CROCC: variants seen among roughly 807,000 people sequenced by gnomAD.
CROCC encodes ciliary rootlet coiled-coil, rootletin.
A neutral mutation model predicts 245.2 loss-of-function variants in CROCC; 180 were observed. The ratio of observed to expected loss-of-function variants is 0.73; its 90% CI spans 0.65 to 0.83. The LOEUF (loss-of-function observed/expected upper bound fraction) is 0.83, where lower values mean the gene tolerates loss of function less well. Among genes scored for constraint, CROCC ranks in the 40% least tolerant of loss-of-function variants. The pLI is 0.00. For synonymous variants in CROCC, 1,205 were observed against 1,241.6 expected, an observed-to-expected ratio of 0.97 and a Z score of 0.62; for missense variants, 2,688 against 2,779.4, an observed-to-expected ratio of 0.97 and a Z score of 0.74.
rs1419809966 is a variant in CROCC at position 16,953,428 on chromosome 1, C to T, written c.3133C>T (p.Leu1045=). The change falls in exon 21 of 37, where the codon CTG becomes TTG. Residue 1045 remains leucine, a synonymous_variant. Coordinates refer to ENST00000375541, the MANE Select transcript of CROCC (RefSeq NM_014675.5). ...KEELSEEIAA[L]QQERDEGLLL... is the part of the protein sequence containing the mutation. ...AGAGCTGAGTGAGGAGATTGCTGCC[C>T]TGCAGCAGGAGCGCGACGAGGGCCT... 2 of 1,610,654 alleles carry T rather than the reference C, an allele frequency of 1.2e-6. No homozygotes were observed. Among genetic ancestry groups the T allele is most frequent in the Non-Finnish European group, 1.7e-6 (2 of 1,179,914 alleles).
In CROCC at chr1:16,938,733, G is replaced by T. The variant is rs1406890484; in HGVS notation, c.1375-176G>T. On this transcript the variant is annotated intron_variant, in intron 11 of 36. Transcript: ENST00000375541. ...AATGATGTCTTCCCAATAAATGGGAGGCCTCAGCGGCGAGCCGAGGACTGA... is the reference window on the plus strand; with the variant it reads ...AATGATGTCTTCCCAATAAATGGGATGCCTCAGCGGCGAGCCGAGGACTGA... Among the ~76,000 whole-genome samples the T allele has an allele frequency of 2.0e-5, 3 of 152,288 alleles. No homozygotes were observed. The East Asian group carries it at 5.8e-4, about 29-fold the overall frequency.
chr1:16,969,690 G>C, intron 32 of CROCC, 95 bp from the exon 33 acceptor site: 2 of 1,502,254 alleles, frequency 1.3e-6, no homozygotes, highest in East Asian at 4.5e-5. Context: ...ATGACTGCCT[G>C]TTTTATGCTC....
At chr1:16,937,879 C>T (rs2075827720) in intron 10 of CROCC, 142 bp downstream of exon 10, 1 of 739,712 alleles carries the variant, frequency 1.4e-6, no homozygotes, top group South Asian at 1.7e-5. Flanking sequence ...GGTGTGCAGG[C>T]TTTGTGGGAA....
At chr1:16,963,132 G>A (rs1327545699) in intron 27 of CROCC, among the ~76,000 whole-genome samples, 3 of 149,884 alleles carry the variant, frequency 2.0e-5, no homozygotes, top group Non-Finnish European at 3.0e-5. Flanking sequence ...GTGGTGAGCC[G>A]AGATCGCACC....
At chr1:16,934,681 C>G (rs1438065576) in intron 8 of CROCC, among the ~76,000 whole-genome samples, 88 of 152,360 alleles carry the variant, frequency 5.8e-4, no homozygotes, top group African/African-American at 2.0e-3. Flanking sequence ...GTCACATGTT[C>G]ACAAGGTTCA....
chr1:16,922,543 C>G (rs889367507), intron 1 of CROCC, 120 bp from the exon 2 acceptor site: 10 of 1,385,044 alleles, frequency 7.2e-6, no homozygotes, highest in Non-Finnish European at 9.7e-6. Context: ...AGGCTTCACT[C>G]CATCTTGAGG....
Position 16,942,574 on chromosome 1 carries a change from T to A in CROCC, c.1809-1526T>A, listed in dbSNP as rs549265459. Among the ~76,000 whole-genome samples the A allele has an allele frequency of 7.9e-5, 12 of 152,412 alleles. No homozygotes were observed. In the South Asian group the frequency reaches 2.3e-3, roughly 29 times the overall value. On this transcript the variant is annotated intron_variant, in intron 13 of 36. Coordinates refer to ENST00000375541, the MANE Select transcript of CROCC (RefSeq NM_014675.5). Reference sequence around the variant, plus strand: ...GGCTCTTGGCCGAGTGTTTTGTATGTACTCTGTGATTTAGTCTTCCTGTCA... The same window carrying A: ...GGCTCTTGGCCGAGTGTTTTGTATGAACTCTGTGATTTAGTCTTCCTGTCA...
rs747019078 is a variant in CROCC, at chr1:16,938,912, G to T, written c.1378G>T (p.Val460Phe). 24 of 1,603,470 alleles carry T rather than the reference G, an allele frequency of 1.5e-5. No individual in the cohort carries two copies. The East Asian group carries it at 1.6e-4, about 11-fold the overall frequency. ...QQTLRDLAQA[V>F]LSDSESGVQL... Reference sequence around the variant, plus strand: ...TGCCTCCCTCCCCCACCCTCAGGCCGTCTTGTCAGACTCTGAGAGCGGCGT... The same window carrying T: ...TGCCTCCCTCCCCCACCCTCAGGCCTTCTTGTCAGACTCTGAGAGCGGCGT... Residue 460 changes from valine (V) to phenylalanine (F), a missense_variant, in exon 12 of 37, where the codon GTC becomes TTC. Around this residue, in one of 9 missense-constraint regions of CROCC, gnomAD observed 972 missense variants for 895.3 expected, o/e 1.09. Transcript: ENST00000375541.
At chr1:16,949,816 C>T (rs966512645) in intron 19 of CROCC, among the ~76,000 whole-genome samples, 5 of 152,238 alleles carry the variant, frequency 3.3e-5, no homozygotes, top group African/African-American at 4.8e-5. Context: ...GTTGCCCAGG[C>T]GGGAGTGCAA....
Position 16,961,059 on chromosome 1 carries a change from G to T in CROCC, c.4334G>T (p.Gly1445Val). The T allele has an allele frequency of 7.5e-7, 1 of 1,336,522 alleles. No individual in the cohort carries two copies. The highest frequency in any genetic ancestry group is 1.9e-5 in the South Asian group (1 of 52,658). The allele number at this position is 1,336,522 out of a possible 1,614,324, so 82.8% of individuals were successfully genotyped here. A position where few individuals can be genotyped will look rare whatever the true frequency, so the allele number is the denominator to read the frequency against. The stretch of plus-strand genomic sequence containing the variant: ...CGCTCGGCTCTGCGCCGGGGCCTCG[G>T]CCTCGGTCGCGCGCCCAGCCCAGCC... ...GLRSALRRGL[G>V]LGRAPSPAPR... The change falls in exon 27 of 37, where the codon GGC (glycine) becomes GTC (valine). Residue 1445 changes from glycine to valine, a missense_variant. This residue lies in a region of CROCC where 1,218 missense variants were observed against 1,286.3 expected (regional missense o/e 0.95). Transcript: ENST00000375541.
At chr1:16,949,518 G>A (rs1469758399) in intron 19 of CROCC, among the ~76,000 whole-genome samples, 1 of 152,152 alleles carries the variant, frequency 6.6e-6, no homozygotes, top group Non-Finnish European at 1.5e-5. Flanking sequence ...ATTCCCTGTA[G>A]TCATTTCCAT....
chr1:16,965,567 G>A (rs957621061), intron 27 of CROCC, among the ~76,000 whole-genome samples, 156 bp from the exon 28 acceptor site: 7 of 152,160 alleles, frequency 4.6e-5, no homozygotes, highest in African/African-American at 1.7e-4. Flanking sequence ...AGGGTGAGAG[G>A]GTTTCAGCTG....
intron 10 of CROCC, 127 bp from the exon 11 acceptor site, chr1:16,938,273 G>C: frequency 1.2e-6 from 1 of 821,722 alleles, no homozygotes; most frequent in African/African-American, 1.7e-5. Flanking sequence ...GGGTCTACCA[G>C]GTGGCTGGCC....
chr1:16,963,257 G>A (rs1251697823), intron 27 of CROCC, among the ~76,000 whole-genome samples: 2 of 151,852 alleles, frequency 1.3e-5, no homozygotes, highest in African/African-American at 4.8e-5. Flanking sequence ...GGCAGCAGGT[G>A]CCTCACTGAG....
At chr1:16,918,744 G>GTT (rs377647617), upstream of CROCC, among the ~76,000 whole-genome samples, 19 of 144,032 alleles carry the variant, frequency 1.3e-4, no homozygotes, top group South Asian at 4.4e-4. Flanking sequence ...TTTTGTTTTT[G>GTT]TTTTTTTTTT....
chr1:16,952,862 C>T (rs992692912), intron 20 of CROCC, among the ~76,000 whole-genome samples: 4 of 152,200 alleles, frequency 2.6e-5, no homozygotes, highest in Non-Finnish European at 4.4e-5. Context: ...CACCTTGGCT[C>T]GAGTCCTCTC....
chr1:16,931,150 C>T lies in CROCC; in HGVS notation c.850-141C>T, dbSNP rs2075667473. 4.1e-5 allele frequency: 29 copies of T among 703,218 alleles called. No homozygotes were observed. In the South Asian group the frequency reaches 4.6e-4, roughly 11 times the overall value. The allele number at this position is 703,218 out of a possible 1,614,324, so 43.6% of individuals were successfully genotyped here. On this transcript the variant is annotated intron_variant, in intron 7 of 36. Transcript: ENST00000375541. ...GGGAGGCTGAGCATGGCCGCTGCAA[C>T]ACAGCTCTGTGCACAGACCCACAGG... is the stretch of plus-strand genomic sequence containing the variant.
At chr1:16,947,243 G>A (rs533844297) in intron 17 of CROCC, among the ~76,000 whole-genome samples, 9 of 152,398 alleles carry the variant, frequency 5.9e-5, no homozygotes, top group East Asian at 5.8e-4. Flanking sequence ...TTGGGAGGCC[G>A]AGGCGGGTGG....
intron 2 of CROCC, among the ~76,000 whole-genome samples, chr1:16,923,549 CCTT>C (rs1167829952): frequency 6.6e-6 from 1 of 152,280 alleles, no homozygotes; most frequent in African/African-American, 2.4e-5. Context: ...CTCTCTTTCT[CCTT>C]CTCCTCACAA....
Sources: allele counts gnomAD v4.1 joint callset (sites outside exome capture counted in the v4.1 genomes callset), GRCh38; gene constraint gnomAD v4.1.1; regional missense constraint gnomAD v4.1.1; transcripts MANE v1.5; gene names NCBI Gene and HGNC (gene_info 2026-07-23, HGNC 2026-07-21).